TET1: variants seen among roughly 807,000 people sequenced by gnomAD.
The protein encoded by TET1 is tet methylcytosine dioxygenase 1, also known as methylcytosine dioxygenase TET1.
TET1 carries 13 observed loss-of-function variants against 148.7 expected under a neutral mutation model. The observed-to-expected ratio is 0.09, with a 90% CI of 0.06 to 0.14. The LOEUF is 0.14. TET1 is among the 10% of genes least tolerant of loss of function. The pLI is 1.00. For missense variants in TET1, 2,182 were observed against 2,553.8 expected (o/e 0.85, Z 3.14); for synonymous variants, 907 against 937.2 (o/e 0.97, Z 0.59).
chr10:68,633,403 G>C (rs967281824), intron 3 of TET1, among the ~76,000 whole-genome samples: 1 of 151,078 alleles, frequency 6.6e-6, no homozygotes, highest in Non-Finnish European at 1.5e-5. Context: ...TTTTTTGAGA[G>C]ACAGTCTTCC....
chr10:68,588,371 T>C (rs1346977624), intron 2 of TET1, among the ~76,000 whole-genome samples: 4 of 152,200 alleles, frequency 2.6e-5, no homozygotes, highest in South Asian at 4.1e-4. Flanking sequence ...GTATGAAATA[T>C]ATGTTCTGCT....
At chr10:68,662,015 A>G (rs181229784) in intron 6 of TET1, among the ~76,000 whole-genome samples, 2 of 151,838 alleles carry the variant, frequency 1.3e-5, no homozygotes, top group Admixed American at 6.6e-5. Flanking sequence ...AGCTGGAACT[A>G]CAAGTTGCAC....
At chr10:68,650,311 AAT>A (rs1158908150) in intron 4 of TET1, among the ~76,000 whole-genome samples, 2 of 152,152 alleles carry the variant, frequency 1.3e-5, no homozygotes, top group Non-Finnish European at 2.9e-5. Flanking sequence ...GATCACTAAG[AAT>A]AAGATAAAAT....
At position 68,644,909 on chromosome 10, in the gene TET1, G is replaced by C; in HGVS notation, c.2180G>C (p.Ser727Thr). 3 of 1,611,886 alleles carry C rather than the reference G, an allele frequency of 1.9e-6. No individual in the cohort carries two copies. The highest frequency in any genetic ancestry group is 2.5e-6 in the Non-Finnish European group (3 of 1,179,292). ...ACTGATCACGTGAAAGGAGATTTTA[G>C]TGCTAATGTCCCAGAAGCTGAAAAA... ...QLTDHVKGDF[S>T]ANVPEAEKSK... Residue 727 changes from serine to threonine, a missense_variant, in exon 4 of 12, where the codon AGT becomes ACT. By Grantham distance (58) the Ser-to-Thr change is moderately conservative. Coordinates refer to ENST00000373644, the MANE Select transcript of TET1 (RefSeq NM_030625.3).
At chr10:68,618,295 G>A (rs773772797) in intron 3 of TET1, among the ~76,000 whole-genome samples, 2 of 152,118 alleles carry the variant, frequency 1.3e-5, no homozygotes, top group Non-Finnish European at 2.9e-5. Context: ...TCAGGTTACT[G>A]TATGGTAAAA....
chr10:68,589,815 G>A (rs760955724), intron 2 of TET1, among the ~76,000 whole-genome samples: 4 of 151,362 alleles, frequency 2.6e-5, no homozygotes, highest in African/African-American at 9.7e-5. Flanking sequence ...GGGACTACAG[G>A]CATGCACCAC....
chr10:68,572,831 G>A lies in TET1; in HGVS notation c.493G>A (p.Val165Ile). 4 of 1,614,110 alleles carry A rather than the reference G, an allele frequency of 2.5e-6. No individual in the cohort carries two copies. Among genetic ancestry groups the A allele is most frequent in the Non-Finnish European group, 3.4e-6 (4 of 1,180,014 alleles). The stretch of plus-strand genomic sequence containing the variant: ...TTCGGTTCCAATGCAAGACACCCAA[G>A]TCCTTCCTGATATAGAGACTCTAAT... Reference protein sequence around the residue: ...NDSVPMQDTQVLPDIETLIGV... With the variant: ...NDSVPMQDTQILPDIETLIGV... The change falls in exon 2 of 12, where the codon GTC (valine) becomes ATC (isoleucine). Residue 165 changes from valine (V) to isoleucine (I), a missense_variant. By Grantham distance (29) the Val-to-Ile change is conservative (BLOSUM62 3). Coordinates refer to ENST00000373644, the MANE Select transcript of TET1 (RefSeq NM_030625.3).
chr10:68,573,359 G>C lies in TET1; in HGVS notation c.1021G>C (p.Ala341Pro). 6.2e-7 allele frequency: 1 copy of C among 1,614,112 alleles called. No homozygotes were observed. Among genetic ancestry groups the C allele is most frequent in the Non-Finnish European group, 8.5e-7 (1 of 1,180,024 alleles). The change falls in exon 2 of 12, where the codon GCT becomes CCT. Residue 341 changes from alanine to proline, a missense_variant. Physicochemically the swap from Ala to Pro is conservative, Grantham distance 27 (BLOSUM62 -1). Transcript: ENST00000373644. The part of the protein sequence containing the change: ...LAGSKQATLG[A>P]KPDHQEAFEA... The stretch of plus-strand genomic sequence containing the variant: ...AGGCTCAAAACAAGCGACCCTTGGT[G>C]CTAAACCAGATCATCAAGAGGCCTT...
rs774625271 is a variant in TET1, at chr10:68,573,664, C to A, written c.1326C>A (p.Thr442=). Residue 442 remains threonine (T), a synonymous_variant, in exon 2 of 12, where the codon ACC becomes ACA. Transcript: ENST00000373644. The stretch of plus-strand genomic sequence containing the variant: ...CTGTTCCTCCAAATCCAATTGCTAC[C>A]TTTAATGCTCCTTCCAAATGGCCTG... ...FLPVPPNPIA[T]FNAPSKWPEP... The A allele has an allele frequency of 3.7e-6, 6 of 1,614,020 alleles. No individual in the cohort carries two copies. The highest frequency in any genetic ancestry group is 5.1e-6 in the Non-Finnish European group (6 of 1,180,032).
intron 3 of TET1, among the ~76,000 whole-genome samples, chr10:68,605,868 A>G (rs1024571733): frequency 6.6e-6 from 1 of 152,080 alleles, no homozygotes; most frequent in African/African-American, 2.4e-5. Flanking sequence ...GGACTAAATT[A>G]TACTCTGGTT....
chr10:68,624,099 C>CTTTTTTTTTTTTTTTTTTTTTTTTTTT (rs773374173), intron 3 of TET1, among the ~76,000 whole-genome samples: 1 of 148,032 alleles, frequency 6.8e-6, no homozygotes. Context: ...TTCTTTCTTT[C>CTTTTTTTTTTTTTTTTTTTTTTTTTTT]TTTTCTTTTT....
At chr10:68,690,782 TC>T in intron 11 of TET1, 25 bp from the exon 12 acceptor site, 2 of 1,533,884 alleles carry the variant, frequency 1.3e-6, no homozygotes, top group South Asian at 2.6e-5. Context: ...TTTGTATTTT[TC>T]TTCACATTTG....
Position 68,617,391 on chromosome 10 carries a change from C to T in TET1, c.1968+16357C>T, listed in dbSNP as rs188154320. ...CCCTGGCTGGTCTTGAACTCCCAGC[C>T]TCAAGCGATCCTTCTGCCTCAGCCT... On this transcript the variant is annotated intron_variant, in intron 3 of 11. Transcript: ENST00000373644. 2.6e-3 allele frequency among the ~76,000 whole-genome samples: 391 copies of T among 151,834 alleles called. 1 individual carries two copies. Among genetic ancestry groups the T allele is most frequent in the Admixed American group, 7.5e-3 (114 of 15,228 alleles).
intron 6 of TET1, among the ~76,000 whole-genome samples, chr10:68,662,566 G>C (rs926407898): frequency 1.3e-5 from 2 of 151,474 alleles, no homozygotes; most frequent in African/African-American, 2.4e-5. Flanking sequence ...ATGTATAATA[G>C]ACCACATATA....
At chr10:68,633,034 A>G in intron 3 of TET1, among the ~76,000 whole-genome samples, 1 of 152,058 alleles carries the variant, frequency 6.6e-6, no homozygotes, top group East Asian at 1.9e-4. Context: ...AAATACAAAA[A>G]TTAGCTGGGC....
At chr10:68,634,325 C>T (rs188975529) in intron 3 of TET1, among the ~76,000 whole-genome samples, 1 of 152,334 alleles carries the variant, frequency 6.6e-6, no homozygotes, top group Non-Finnish European at 1.5e-5. Context: ...ACTCCTACAA[C>T]TCACAGTTAA....
At chr10:68,653,842 C>G (rs1387354953) in intron 6 of TET1, among the ~76,000 whole-genome samples, 2 of 152,142 alleles carry the variant, frequency 1.3e-5, no homozygotes, top group Admixed American at 6.6e-5. Context: ...CACGGTGGCT[C>G]ACGCCTGTAA....
intron 2 of TET1, among the ~76,000 whole-genome samples, chr10:68,596,021 C>CATAT (rs1271069239): frequency 6.8e-5 from 7 of 102,742 alleles, no homozygotes; most frequent in African/African-American, 3.3e-4. Flanking sequence ...CACACACACA[C>CATAT]ACACACATAT....
At chr10:68,684,491 C>T (rs186131099) in intron 10 of TET1, among the ~76,000 whole-genome samples, 98 of 151,854 alleles carry the variant, frequency 6.5e-4, no homozygotes, top group African/African-American at 2.2e-3. Context: ...TAAATACTAG[C>T]CAGGCAGTGG....
Sources: gnomAD v4.1 joint callset for allele counts (sites outside exome capture counted in the v4.1 genomes callset) on GRCh38, gnomAD v4.1.1 for gene constraint, MANE v1.5 for transcripts, NCBI Gene and HGNC (gene_info 2026-07-23, HGNC 2026-07-21) for gene names.